FBXW7: variants seen among roughly 807,000 people sequenced by gnomAD.
The protein encoded by FBXW7 is F-box and WD repeat domain containing 7.
A neutral mutation model predicts 86.3 loss-of-function variants in FBXW7; 11 were observed. The observed-to-expected ratio is 0.13, with a 90% CI of 0.08 to 0.21. The LOEUF (loss-of-function observed/expected upper bound fraction) is 0.21, where lower values mean the gene tolerates loss of function less well. Among genes scored for constraint, FBXW7 ranks in the 10% least tolerant of loss-of-function variants. The probability of loss-of-function intolerance (pLI) is 1.00; values close to 1 mark genes in which losing one functional copy is unlikely to be tolerated. For missense variants in FBXW7, 488 were observed against 847.4 expected (o/e 0.58, Z 5.27); for synonymous variants, 313 against 297.9 (o/e 1.05, Z -0.52).
At chr4:152,433,754 T>G (rs999352665) in intron 2 of FBXW7, among the ~76,000 whole-genome samples, 3 of 152,110 alleles carry the variant, frequency 2.0e-5, no homozygotes, top group African/African-American at 4.8e-5. Flanking sequence ...GAAATATCCA[T>G]AACAATTTAA....
At chr4:152,462,950 A>G (rs1743085560) in intron 2 of FBXW7, among the ~76,000 whole-genome samples, 1 of 146,476 alleles carries the variant, frequency 6.8e-6, no homozygotes, top group Admixed American at 6.9e-5. Context: ...CTCACATAGT[A>G]CACTGAGTAA....
At chr4:152,355,947 G>C (rs1732340755) in intron 4 of FBXW7, among the ~76,000 whole-genome samples, 1 of 152,100 alleles carries the variant, frequency 6.6e-6, no homozygotes, top group Non-Finnish European at 1.5e-5. Flanking sequence ...TTGTGGTTGT[G>C]AGCAGAAAGA....
intron 6 of FBXW7, among the ~76,000 whole-genome samples, chr4:152,342,546 T>C (rs1239098813): frequency 6.6e-6 from 1 of 152,164 alleles, no homozygotes; most frequent in African/African-American, 2.4e-5. Context: ...CTGGTCTGGA[T>C]GATCTTTAGT....
intron 2 of FBXW7, among the ~76,000 whole-genome samples, chr4:152,504,673 T>C (rs1401406853): frequency 2.6e-5 from 4 of 152,198 alleles, no homozygotes; most frequent in African/African-American, 9.6e-5. Context: ...ACGATTTAGA[T>C]ATGTGAATCT....
At chr4:152,374,468 C>T (rs761156311) in intron 4 of FBXW7, among the ~76,000 whole-genome samples, 13 of 151,988 alleles carry the variant, frequency 8.6e-5, no homozygotes, top group Admixed American at 2.6e-4. Flanking sequence ...GCTGCACAGT[C>T]ACTTAAAAAC....
intron 2 of FBXW7, among the ~76,000 whole-genome samples, chr4:152,423,470 T>C (rs1223950183): frequency 6.6e-6 from 1 of 152,324 alleles, no homozygotes; most frequent in South Asian, 2.1e-4. Context: ...AAATAAAAAT[T>C]TGCCAAACAT....
intron 2 of FBXW7, among the ~76,000 whole-genome samples, chr4:152,504,789 C>A (rs1747263022): frequency 6.6e-6 from 1 of 152,046 alleles, no homozygotes; most frequent in Non-Finnish European, 1.5e-5. Flanking sequence ...ATTTCAAAAA[C>A]TTGGTACAAA....
intron 4 of FBXW7, among the ~76,000 whole-genome samples, chr4:152,407,003 G>A (rs1737478742): frequency 6.6e-6 from 1 of 152,154 alleles, no homozygotes; most frequent in South Asian, 2.1e-4. Flanking sequence ...GAGTGTCCCA[G>A]GCACTATGCT....
chr4:152,402,309 T>A (rs1737012588), intron 4 of FBXW7, among the ~76,000 whole-genome samples: 1 of 152,096 alleles, frequency 6.6e-6, no homozygotes, highest in Admixed American at 6.5e-5. Flanking sequence ...GGGTACCTGA[T>A]AACACAATAA....
intron 2 of FBXW7, among the ~76,000 whole-genome samples, chr4:152,466,697 C>T (rs1423594697): frequency 6.6e-6 from 1 of 152,106 alleles, no homozygotes; most frequent in Non-Finnish European, 1.5e-5. Context: ...AATCCCAGCA[C>T]TTTGGGAGGC....
At chr4:152,327,176 A>G (rs1335484950) in intron 11 of FBXW7, among the ~76,000 whole-genome samples, 1 of 152,196 alleles carries the variant, frequency 6.6e-6, no homozygotes, top group East Asian at 1.9e-4. Flanking sequence ...TTGAGAACCT[A>G]ATGTTGAGAG....
chr4:152,364,140 G>A (rs957080055), intron 4 of FBXW7, among the ~76,000 whole-genome samples: 1 of 152,128 alleles, frequency 6.6e-6, no homozygotes, highest in African/African-American at 2.4e-5. Flanking sequence ...ATACACTACT[G>A]CCAGTGGCTC....
intron 2 of FBXW7, among the ~76,000 whole-genome samples, chr4:152,458,513 G>C (rs977819032): frequency 6.6e-6 from 1 of 152,184 alleles, no homozygotes; most frequent in Admixed American, 6.5e-5. Context: ...ACATCATCCA[G>C]CATTATTAAG....
intron 2 of FBXW7, among the ~76,000 whole-genome samples, chr4:152,423,183 C>T (rs1281260108): frequency 2.0e-5 from 3 of 152,110 alleles, no homozygotes; most frequent in African/African-American, 7.2e-5. Flanking sequence ...TGCCTCCATC[C>T]ATTAATACAC....
intron 4 of FBXW7, among the ~76,000 whole-genome samples, chr4:152,405,253 T>C (rs913523238): frequency 2.0e-5 from 3 of 152,084 alleles, no homozygotes; most frequent in African/African-American, 7.2e-5. Flanking sequence ...AAGACAAAGC[T>C]TACCAAAAAT....
At chr4:152,469,886 T>C (rs564304251) in intron 2 of FBXW7, among the ~76,000 whole-genome samples, 45 of 152,260 alleles carry the variant, frequency 3.0e-4, no homozygotes, top group Middle Eastern at 3.4e-3. Context: ...TCATGTAGCA[T>C]ATGTGTAAAC....
Position 152,535,680 on chromosome 4 carries a change from T to TG in FBXW7, c.-767dup, listed in dbSNP as rs925345230. ...GGCTGGGACCCCCCTCCCTACACCTTGGGGGTCTCGCCCCACGCCCCACGG... is the reference window on the plus strand; with the variant it reads ...GGCTGGGACCCCCCTCCCTACACCTTGGGGGGTCTCGCCCCACGCCCCACGG... On this transcript the variant is annotated 5_prime_UTR_variant, in exon 1 of 14. Coordinates refer to ENST00000281708, the MANE Select transcript of FBXW7 (RefSeq NM_001349798.2). 2.5e-6 allele frequency: 1 copy of TG among 396,012 alleles called. No homozygotes were observed. The highest frequency in any genetic ancestry group is 4.5e-6 in the Non-Finnish European group (1 of 224,314). 24.5% of individuals were successfully genotyped at this position (396,012 alleles called of 1,614,324 possible).
chr4:152,475,906 A>C (rs910790188), intron 2 of FBXW7, among the ~76,000 whole-genome samples: 17 of 152,318 alleles, frequency 1.1e-4, no homozygotes, highest in African/African-American at 4.1e-4. Flanking sequence ...GCAAAATGTC[A>C]GTCTCCTCAG....
chr4:152,330,201 A>G (rs1358912215), intron 9 of FBXW7, among the ~76,000 whole-genome samples: 2 of 151,938 alleles, frequency 1.3e-5, no homozygotes, highest in East Asian at 3.8e-4. Flanking sequence ...ATCATAATAT[A>G]TACATATTAG....
Sources: allele counts gnomAD v4.1 joint callset (sites outside exome capture counted in the v4.1 genomes callset), GRCh38; gene constraint gnomAD v4.1.1; transcripts MANE v1.5; gene names NCBI Gene and HGNC (gene_info 2026-07-23, HGNC 2026-07-21).